SPRY3: variants seen among roughly 807,000 people sequenced by gnomAD.
The protein encoded by SPRY3 is protein sprouty homolog 3.
SPRY3 carries 15 observed loss-of-function variants against 20.2 expected under a neutral mutation model. The observed-to-expected ratio is 0.74, with a 90% CI of 0.50 to 1.14. The LOEUF (loss-of-function observed/expected upper bound fraction) is 1.14. Ranked by LOEUF, SPRY3 falls within the 50% of genes most tolerant of loss-of-function variation. SPRY3 has a pLI of 0.00. For missense variants in SPRY3, 364 were observed against 363.9 expected, an observed-to-expected ratio of 1.00 and a Z score of 0.00; for synonymous variants, 143 against 136.5, an observed-to-expected ratio of 1.05 and a Z score of -0.33.
intron 2 of SPRY3, among the ~76,000 whole-genome samples, chrX:155,749,396 A>T (rs1488574713): frequency 6.6e-6 from 1 of 151,650 alleles, no homozygotes; most frequent in East Asian, 1.9e-4. Flanking sequence ...GGTGTGTGTA[A>T]GTGTGTCTGT....
exon 4 of SPRY3, chrX:155,775,871 A>G (rs1025667643): frequency 1.8e-5 from 3 of 167,118 alleles, no homozygotes; most frequent in Non-Finnish European, 4.4e-5. Context: ...ATGGACATAA[A>G]AAGTCATAAA....
At chrX:155,748,962 C>G (rs761162214) in intron 2 of SPRY3, among the ~76,000 whole-genome samples, 34 of 151,612 alleles carry the variant, frequency 2.2e-4, no homozygotes, top group African/African-American at 6.3e-4. Flanking sequence ...ATTAGATCCA[C>G]CAGACTCAAC....
chrX:155,631,157 TCA>T (rs781849831), intron 1 of SPRY3, among the ~76,000 whole-genome samples: 3 of 111,593 alleles, frequency 2.7e-5, no homozygotes, highest in South Asian at 7.4e-4. Flanking sequence ...CCATGTGTGC[TCA>T]GTGTTTGGCT....
chrX:155,658,601 T>G (rs2067999216), intron 2 of SPRY3, among the ~76,000 whole-genome samples: 1 of 111,889 alleles, frequency 8.9e-6, no homozygotes, highest in Non-Finnish European at 1.9e-5. Context: ...TTTAGTGTTT[T>G]CTAGGTATGA....
chrX:155,707,974 A>G (rs993288069), intron 2 of SPRY3, among the ~76,000 whole-genome samples: 10 of 151,206 alleles, frequency 6.6e-5, no homozygotes, highest in Non-Finnish European at 1.0e-4. Flanking sequence ...TACATGTGTC[A>G]TATCTTTTTT....
intron 2 of SPRY3, among the ~76,000 whole-genome samples, chrX:155,685,137 A>G (rs961050227): frequency 8.9e-6 from 1 of 111,850 alleles, no homozygotes; most frequent in African/African-American, 3.2e-5. Context: ...GTCTTTGTCA[A>G]ACTTGAAAAG....
intron 2 of SPRY3, among the ~76,000 whole-genome samples, chrX:155,716,981 A>AATATATATACATATATATATAT (rs2091027380): frequency 7.9e-5 from 5 of 63,480 alleles, no homozygotes; most frequent in African/African-American, 3.6e-4. Context: ...TAAAATACAA[A>AATATATATACATATATATATAT]ATATATATAT....
intron 2 of SPRY3, among the ~76,000 whole-genome samples, chrX:155,729,673 A>G (rs1176714119): frequency 2.6e-5 from 4 of 151,884 alleles, no homozygotes; most frequent in African/African-American, 9.7e-5. Flanking sequence ...CAAGAGCAAA[A>G]CAAACCAAAA....
intron 2 of SPRY3, among the ~76,000 whole-genome samples, chrX:155,721,385 T>C (rs306929): frequency 0.13 from 19,599 of 152,062 alleles, 2,155 homozygotes; most frequent in African/African-American, 0.31. Flanking sequence ...GAAAGTTTAT[T>C]CAAAGGGATA....
chrX:155,779,566 T>A (rs1053505739), downstream of SPRY3: 1 of 167,022 alleles, frequency 6.0e-6, no homozygotes, highest in Non-Finnish European at 1.5e-5. Flanking sequence ...AATTTCATAT[T>A]ATTGAACTCC....
At chrX:155,624,101 G>A (rs782169877) in intron 1 of SPRY3, among the ~76,000 whole-genome samples, 1 of 112,090 alleles carries the variant, frequency 8.9e-6, no homozygotes, top group South Asian at 3.7e-4. Flanking sequence ...AACATTCCTT[G>A]TTAGATAGGA....
chrX:155,658,881 G>A (rs782784110), intron 2 of SPRY3, among the ~76,000 whole-genome samples: 6 of 111,288 alleles, frequency 5.4e-5, no homozygotes, highest in Non-Finnish European at 9.4e-5. Context: ...CTTGTTGAGG[G>A]TTTTATCATG....
intron 2 of SPRY3, among the ~76,000 whole-genome samples, chrX:155,743,789 G>GTTTATA (rs2091214119): frequency 6.6e-6 from 1 of 151,948 alleles, no homozygotes; most frequent in Non-Finnish European, 1.5e-5. Context: ...TATCAAATAT[G>GTTTATA]TAAATAAGTG....
At chrX:155,696,155 A>G (rs984706203) in intron 2 of SPRY3, among the ~76,000 whole-genome samples, 1 of 109,005 alleles carries the variant, frequency 9.2e-6, no homozygotes. Context: ...ACCTTACTCT[A>G]TCTTCCTTCT....
chrX:155,738,942 A>G (rs1314594595), intron 2 of SPRY3, among the ~76,000 whole-genome samples: 1 of 152,216 alleles, frequency 6.6e-6, no homozygotes, highest in Non-Finnish European at 1.5e-5. Flanking sequence ...CCCCACTTCC[A>G]TGGAACCTCA....
chrX:155,713,392 G>T (rs1322020912), intron 2 of SPRY3, among the ~76,000 whole-genome samples: 1 of 151,946 alleles, frequency 6.6e-6, no homozygotes, highest in African/African-American at 2.4e-5. Context: ...TGTAGGACAG[G>T]TCTGGAGTTG....
intron 2 of SPRY3, among the ~76,000 whole-genome samples, chrX:155,695,343 G>T (rs1303298550): frequency 1.8e-5 from 2 of 111,472 alleles, no homozygotes; most frequent in Non-Finnish European, 3.8e-5. Context: ...TGAGAAGTCT[G>T]CAGTCACTCA....
At position 155,750,186 on chromosome X, in the gene SPRY3, C is replaced by A. The variant is rs1468204997; in HGVS notation, c.-281-17776C>A. Among the ~76,000 whole-genome samples the A allele has an allele frequency of 2.0e-5, 3 of 151,814 alleles. No individual in the cohort carries two copies. In the East Asian group the frequency reaches 5.8e-4, roughly 29 times the overall value. On this transcript the variant is annotated intron_variant, in intron 2 of 3. Transcript: ENST00000675360. ...AGCAAACTAATGCAGGAACAGAAAA[C>A]CAAATACCACATGTTCTCACTTACA... is the stretch of plus-strand genomic sequence containing the variant.
At chrX:155,766,381 A>C (rs1206318222) in intron 2 of SPRY3, among the ~76,000 whole-genome samples, 1 of 152,136 alleles carries the variant, frequency 6.6e-6, no homozygotes, top group Non-Finnish European at 1.5e-5. Flanking sequence ...AAAAATTGAC[A>C]CTCTAGAGGG....
Sources: gnomAD v4.1 joint callset for allele counts (sites outside exome capture counted in the v4.1 genomes callset) on GRCh38, gnomAD v4.1.1 for gene constraint, MANE v1.5 for transcripts, NCBI Gene and HGNC (gene_info 2026-07-23, HGNC 2026-07-21) for gene names.